The following AHRR variants were observed in gnomAD, a reference collection of about 807,000 sequenced individuals.
AHRR encodes ahR repressor.
Under a neutral mutation model 44.0 loss-of-function variants are expected in AHRR, and 28 were observed. The ratio of observed to expected loss-of-function variants is 0.64; its 90% CI spans 0.47 to 0.87. The LOEUF (loss-of-function observed/expected upper bound fraction) is 0.87. Ranked by LOEUF, AHRR falls within the 40% of genes least tolerant of loss-of-function variation. The pLI, the probability that AHRR is intolerant of heterozygous loss-of-function variation, is 0.00. For synonymous variants in AHRR, 434 were observed against 407.0 expected (o/e 1.07, Z -0.80); for missense variants, 990 against 953.9 (o/e 1.04, Z -0.50).
chr5:336,558 C>T (rs1742133890), intron 1 of AHRR, among the ~76,000 whole-genome samples: 1 of 152,174 alleles, frequency 6.6e-6, no homozygotes, highest in Admixed American at 6.5e-5. Context: ...TATCAGATAA[C>T]ATGATTTGTA....
chr5:355,245 T>G (rs1254107201), intron 3 of AHRR, among the ~76,000 whole-genome samples: 1 of 152,046 alleles, frequency 6.6e-6, no homozygotes, highest in Non-Finnish European at 1.5e-5. Flanking sequence ...AGGGTTAAGA[T>G]GTGGTGCAGT....
chr5:426,720 CAGAT>C (rs375769727), intron 7 of AHRR, among the ~76,000 whole-genome samples: 119 of 116,384 alleles, frequency 1.0e-3, no homozygotes, highest in African/African-American at 3.1e-3. Flanking sequence ...GCTAGATGGA[CAGAT>C]AGATGGGTGG....
intron 2 of AHRR, among the ~76,000 whole-genome samples, chr5:345,583 T>G (rs1387574394): frequency 2.0e-5 from 3 of 148,530 alleles, no homozygotes; most frequent in South Asian, 2.1e-4. Context: ...TGTGTGTGGG[T>G]GTGTGGGGGT....
chr5:368,494 C>T (rs1743451007), intron 3 of AHRR, among the ~76,000 whole-genome samples: 1 of 152,192 alleles, frequency 6.6e-6, no homozygotes, highest in African/African-American at 2.4e-5. Flanking sequence ...CCCTGCTGTG[C>T]TTTTCTTTGA....
chr5:376,557 A>AACGCGGGGAAACAC (rs368685976), intron 3 of AHRR, 53 bp from the exon 4 acceptor site: 2 of 1,429,206 alleles, frequency 1.4e-6, no homozygotes, highest in Non-Finnish European at 1.9e-6. Flanking sequence ...AATGAAGAAG[A>AACGCGGGGAAACAC]GTGGCCAGGC....
chr5:388,536 C>T lies in AHRR; in HGVS notation c.351+11820C>T, dbSNP rs558477431. On this transcript the variant is annotated intron_variant, in intron 4 of 10. Transcript: ENST00000684583. This position sits in a 1 kb window ranked among gnomAD's most constrained non-coding sequence, Gnocchi z 5.2. ...CCTGGAGGAGTGGGGTTTGGACACCCGGCAGGTCTCTTCCAAACCAGGGCG... is the reference window on the plus strand; with the variant it reads ...CCTGGAGGAGTGGGGTTTGGACACCTGGCAGGTCTCTTCCAAACCAGGGCG... 2.6e-5 allele frequency among the ~76,000 whole-genome samples: 4 copies of T among 152,272 alleles called. No homozygotes were observed. Among genetic ancestry groups the T allele is most frequent in the South Asian group, 2.1e-4 (1 of 4,814 alleles).
At chr5:422,616 G>C in intron 5 of AHRR, 113 bp from the exon 6 acceptor site, 1 of 1,414,130 alleles carries the variant, frequency 7.1e-7, no homozygotes, top group Non-Finnish European at 9.9e-7. Flanking sequence ...TCTCCCTGTG[G>C]CTGTGACTTG....
At chr5:339,627 G>A (rs1334219478) in intron 1 of AHRR, among the ~76,000 whole-genome samples, 4 of 152,118 alleles carry the variant, frequency 2.6e-5, no homozygotes, top group Admixed American at 2.6e-4. Context: ...GTCTTGGGGG[G>A]AAGCATTTAG....
chr5:338,122 T>TTGATGTCCAC lies in AHRR; in HGVS notation c.-10-5770_-10-5761dup, dbSNP rs1172094701. 2.6e-5 allele frequency among the ~76,000 whole-genome samples: 4 copies of TTGATGTCCAC among 152,304 alleles called. No individual in the cohort carries two copies. The highest frequency in any genetic ancestry group is 9.6e-5 in the African/African-American group (4 of 41,566). On this transcript the variant is annotated intron_variant, in intron 1 of 10. Transcript: ENST00000684583. This position sits in a 1 kb window ranked among gnomAD's most constrained non-coding sequence, Gnocchi z 4.1. ...CCGGGTCTGTGTAGCCGCCATATAC[T>TTGATGTCCAC]TGATGTCCACGTTTGTTGTGAACCC...
intron 3 of AHRR, chr5:367,833 C>G (rs554938373): frequency 4.0e-5 from 28 of 702,404 alleles, no homozygotes; most frequent in Non-Finnish European, 6.8e-5. Flanking sequence ...TGGCAGATGC[C>G]GAAGATGTGG....
At chr5:422,596 G>A (rs1736179187) in intron 5 of AHRR, 133 bp from the exon 6 acceptor site, 25 of 1,261,664 alleles carry the variant, frequency 2.0e-5, no homozygotes, top group South Asian at 1.3e-4. Context: ...CCGTCTCTTC[G>A]GTGGGATTCT....
chr5:381,746 C>G (rs1016578054), intron 4 of AHRR, among the ~76,000 whole-genome samples: 24 of 152,016 alleles, frequency 1.6e-4, no homozygotes, highest in Non-Finnish European at 2.8e-4. Context: ...GAACTCCTGA[C>G]CTCGTGATCC....
chr5:340,631 T>C (rs1305715121), intron 1 of AHRR, among the ~76,000 whole-genome samples: 1 of 134,374 alleles, frequency 7.4e-6, no homozygotes, highest in Non-Finnish European at 1.6e-5. Context: ...AACATAGGAA[T>C]TTTGGGTGGA....
At position 434,396 on chromosome 5, in the gene AHRR, G is replaced by A. The variant is rs563617875; in HGVS notation, c.1656G>A (p.Gln552=). The change falls in exon 11 of 11, where the codon CAG becomes CAA. Residue 552 remains glutamine, a synonymous_variant. Coordinates refer to ENST00000684583, the MANE Select transcript of AHRR (RefSeq NM_001377236.1). ...EGAADGCVPS[Q]VWLGASDRSH... ...CTGCAGACGGCTGTGTGCCCAGCCA[G>A]GTGTGGCTGGGGGCCAGTGACAGGA... The A allele has an allele frequency of 2.5e-5, 40 of 1,613,518 alleles. No individual in the cohort carries two copies. The South Asian group carries it at 4.1e-4, about 16-fold the overall frequency.
intron 3 of AHRR, among the ~76,000 whole-genome samples, chr5:356,326 C>T (rs1242849192): frequency 1.3e-5 from 2 of 152,168 alleles, no homozygotes; most frequent in South Asian, 4.1e-4. Context: ...CAGCCTGGGA[C>T]GTGGGACCCT....
chr5:334,184 A>C (rs1478617993), intron 1 of AHRR, among the ~76,000 whole-genome samples: 1 of 152,126 alleles, frequency 6.6e-6, no homozygotes, highest in East Asian at 1.9e-4. Flanking sequence ...TTCATGGTGC[A>C]CTGTGGTAGT....
intron 2 of AHRR, among the ~76,000 whole-genome samples, chr5:351,529 A>G (rs1356101326): frequency 6.6e-6 from 1 of 152,188 alleles, no homozygotes; most frequent in Admixed American, 6.5e-5. Context: ...TTCCATTTCT[A>G]CCACATGCCT....
intron 1 of AHRR, among the ~76,000 whole-genome samples, chr5:336,350 T>C (rs1452376600): frequency 6.6e-6 from 1 of 152,216 alleles, no homozygotes; most frequent in Non-Finnish European, 1.5e-5. Context: ...CCTGCTGAAC[T>C]CCCATGTTGT....
intron 1 of AHRR, among the ~76,000 whole-genome samples, chr5:334,818 CT>C (rs1176867595): frequency 6.6e-6 from 1 of 151,948 alleles, no homozygotes; most frequent in Non-Finnish European, 1.5e-5. Flanking sequence ...GTAATAGTTG[CT>C]TTTTCTTGTT....
Sources: gnomAD v4.1 joint callset for allele counts (sites outside exome capture counted in the v4.1 genomes callset) on GRCh38, gnomAD v4.1.1 for gene constraint, Gnocchi (gnomAD v3.1) non-coding constraint, MANE v1.5 for transcripts, NCBI Gene and HGNC (gene_info 2026-07-23, HGNC 2026-07-21) for gene names.